CSMD2: variants seen among roughly 807,000 people sequenced by gnomAD.
The protein encoded by CSMD2 is CUB and Sushi multiple domains 2.
Under a neutral mutation model 398.5 loss-of-function variants are expected in CSMD2, and 130 were observed. That is an observed-to-expected ratio of 0.33 (90% CI 0.28 to 0.38). The LOEUF (loss-of-function observed/expected upper bound fraction) is 0.38, where lower values mean the gene tolerates loss of function less well. CSMD2 is among the 10% of genes least tolerant of loss of function. The pLI is 1.00. For synonymous variants in CSMD2, 1,828 were observed against 1,908.5 expected (o/e 0.96, Z 1.10); for missense variants, 3,829 against 4,764.9 (o/e 0.80, Z 5.78).
intron 6 of CSMD2, among the ~76,000 whole-genome samples, chr1:33,843,250 T>G (rs1029335506): frequency 6.6e-6 from 1 of 152,202 alleles, no homozygotes; most frequent in African/African-American, 2.4e-5. Context: ...TACCTCCTGA[T>G]AACCAGTCCG....
intron 10 of CSMD2, among the ~76,000 whole-genome samples, chr1:33,810,316 A>T (rs948946368): frequency 2.0e-5 from 3 of 152,228 alleles, no homozygotes; most frequent in Non-Finnish European, 4.4e-5. Flanking sequence ...TACATACATG[A>T]TTACATTTAT....
intron 56 of CSMD2, among the ~76,000 whole-genome samples, chr1:33,547,201 C>T (rs1656990335): frequency 6.6e-6 from 1 of 152,132 alleles, no homozygotes; most frequent in South Asian, 2.1e-4. Flanking sequence ...TGTGCAAACC[C>T]ACTCAAGAGA....
chr1:33,833,933 C>A (rs1040891671), intron 6 of CSMD2, among the ~76,000 whole-genome samples: 1 of 150,400 alleles, frequency 6.6e-6, no homozygotes, highest in Non-Finnish European at 1.5e-5. Flanking sequence ...CCTAGGAATC[C>A]AACTTACAAG....
chr1:33,864,363 G>A, intron 5 of CSMD2: 1 of 1,614,096 alleles, frequency 6.2e-7, no homozygotes, highest in Non-Finnish European at 8.5e-7. Context: ...GCATGAAAAG[G>A]CCAAATATGA....
chr1:33,676,361 T>C lies in CSMD2; in HGVS notation c.4053-13269A>G, dbSNP rs1220640004. On this transcript the variant is annotated intron_variant, in intron 25 of 70. Transcript: ENST00000373381. ...TCATGAGTGAACTCCCATTCACAAT[T>C]GCTTCAAAGTGAGTAAAATAGCTAG... Among the ~76,000 whole-genome samples, 3 of 152,162 alleles carry C rather than the reference T, an allele frequency of 2.0e-5. No homozygotes were observed. The East Asian group carries it at 5.8e-4, about 29-fold the overall frequency.
intron 3 of CSMD2, among the ~76,000 whole-genome samples, chr1:33,993,805 A>AC (rs2148006207): frequency 1.3e-5 from 2 of 151,194 alleles, no homozygotes; most frequent in East Asian, 3.9e-4. Flanking sequence ...ACTCTCCTAG[A>AC]CCCCCTTGGA....
chr1:33,940,310 C>T (rs1422021355), intron 3 of CSMD2, among the ~76,000 whole-genome samples: 3 of 152,080 alleles, frequency 2.0e-5, no homozygotes, highest in Admixed American at 6.5e-5. Context: ...TCTGCAAAGA[C>T]CCTGTTCCAA....
In CSMD2 at chr1:34,057,170, G is replaced by A. The variant is rs868012747; in HGVS notation, c.405-24464C>T. 1.6e-4 allele frequency among the ~76,000 whole-genome samples: 25 copies of A among 152,096 alleles called. 1 individual carries two copies. The highest frequency in any genetic ancestry group is 3.4e-4 in the African/African-American group (14 of 41,414). ...TGACTGTGCCCTGTGGCTGCTTGGA[G>A]TCTTGATCTCCTCAAGTCCCTTGAG... On this transcript the variant is annotated intron_variant, in intron 2 of 70. Coordinates refer to ENST00000373381, the MANE Select transcript of CSMD2 (RefSeq NM_001281956.2).
intron 2 of CSMD2, among the ~76,000 whole-genome samples, chr1:34,075,781 C>T (rs543143751): frequency 9.8e-5 from 15 of 152,300 alleles, no homozygotes; most frequent in East Asian, 3.9e-4. Flanking sequence ...TCTGCCAGCA[C>T]GGAGAGGCCA....
At chr1:34,140,670 A>G (rs1639208524) in intron 1 of CSMD2, among the ~76,000 whole-genome samples, 1 of 152,174 alleles carries the variant, frequency 6.6e-6, no homozygotes, top group African/African-American at 2.4e-5. Context: ...AGAGATTACT[A>G]TGCCCCTTAC....
In CSMD2 at chr1:34,050,931, G is replaced by A. The variant is rs191404821; in HGVS notation, c.405-18225C>T. Among the ~76,000 whole-genome samples, 54 of 152,198 alleles carry A rather than the reference G, an allele frequency of 3.5e-4. 1 individual carries two copies. The highest frequency in any genetic ancestry group is 1.2e-3 in the African/African-American group (50 of 41,536). Reference sequence around the variant, plus strand: ...CTAGCATATGCTATGCTAGCCCAGAGGTCTTAGTTCCAGGTGTCACAACAA... The same window carrying A: ...CTAGCATATGCTATGCTAGCCCAGAAGTCTTAGTTCCAGGTGTCACAACAA... On this transcript the variant is annotated intron_variant, in intron 2 of 70. Transcript: ENST00000373381.
At chr1:33,566,181 C>T (rs957197596) in intron 53 of CSMD2, among the ~76,000 whole-genome samples, 5 of 151,388 alleles carry the variant, frequency 3.3e-5, no homozygotes, top group Admixed American at 6.6e-5. Flanking sequence ...TAAAGAAAGA[C>T]CTGAATCTAT....
chr1:33,947,531 A>G (rs1644875349), intron 3 of CSMD2, among the ~76,000 whole-genome samples: 2 of 152,094 alleles, frequency 1.3e-5, no homozygotes, highest in Admixed American at 1.3e-4. Context: ...GAGACAGCTG[A>G]ACTTGTATTT....
Position 33,810,758 on chromosome 1 carries a change from T to G in CSMD2, c.1431A>C (p.Ala477=), listed in dbSNP as rs1656772767. 1.9e-6 allele frequency: 3 copies of G among 1,613,086 alleles called. No individual in the cohort carries two copies. The highest frequency in any genetic ancestry group is 2.7e-5 in the African/African-American group (2 of 74,870). The change falls in exon 10 of 71, where the codon GCA becomes GCC. Residue 477 remains alanine (A), a synonymous_variant. Coordinates refer to ENST00000373381, the MANE Select transcript of CSMD2 (RefSeq NM_001281956.2). ...AGAGGCTTACCTTGGAGGGGTTGAG[T>G]GCTGTGATGATCCACACACAGTGTG... The part of the protein sequence containing the change: ...NNAHCVWIIT[A]LNPSKVIKLA...
intron 5 of CSMD2, among the ~76,000 whole-genome samples, chr1:33,851,857 A>G (rs558401058): frequency 2.0e-5 from 3 of 152,194 alleles, no homozygotes; most frequent in South Asian, 2.1e-4. Flanking sequence ...GGACAAATGG[A>G]AGTTTCTTTT....
intron 13 of CSMD2, among the ~76,000 whole-genome samples, chr1:33,764,024 T>G (rs1281461348): frequency 6.6e-6 from 1 of 152,164 alleles, no homozygotes; most frequent in Non-Finnish European, 1.5e-5. Context: ...GGGTCAAGGA[T>G]ATACTTTGCC....
chr1:34,093,098 C>T (rs1277998288), intron 1 of CSMD2, among the ~76,000 whole-genome samples: 1 of 152,066 alleles, frequency 6.6e-6, no homozygotes, highest in Non-Finnish European at 1.5e-5. Context: ...GGGTCCCTGA[C>T]CCCTGACCCC....
chr1:33,988,506 T>C (rs752741091), intron 3 of CSMD2, among the ~76,000 whole-genome samples: 29 of 152,242 alleles, frequency 1.9e-4, no homozygotes, highest in Non-Finnish European at 2.9e-4. Context: ...CATTCTGGAA[T>C]GTCCTGCCAC....
At chr1:33,837,446 C>G (rs890413596) in intron 6 of CSMD2, among the ~76,000 whole-genome samples, 2 of 96,226 alleles carry the variant, frequency 2.1e-5, no homozygotes, top group Non-Finnish European at 3.9e-5. Context: ...TACTGAACCA[C>G]TTGTCTGTAA....
Sources: allele counts gnomAD v4.1 joint callset (sites outside exome capture counted in the v4.1 genomes callset), GRCh38; gene constraint gnomAD v4.1.1; transcripts MANE v1.5; gene names NCBI Gene and HGNC (gene_info 2026-07-23, HGNC 2026-07-21).